Variants in KCNH5 observed in about 807,000 individuals in gnomAD.
The protein encoded by KCNH5 is voltage-gated delayed rectifier potassium channel KCNH5.
KCNH5 carries 46 observed loss-of-function variants against 96.1 expected under a neutral mutation model. That is an observed-to-expected ratio of 0.48 (90% confidence interval 0.38 to 0.61). The LOEUF is 0.61. KCNH5 is among the 20% of genes least tolerant of loss of function. KCNH5 has a pLI of 0.00. For synonymous variants in KCNH5, 439 were observed against 449.8 expected (o/e 0.98, Z 0.30); for missense variants, 907 against 1,225.8 (o/e 0.74, Z 3.88).
At chr14:63,038,908 A>AT (rs1293027424) in intron 1 of KCNH5, among the ~76,000 whole-genome samples, 1 of 152,042 alleles carries the variant, frequency 6.6e-6, no homozygotes, top group African/African-American at 2.4e-5. Context: ...AATGCTGAGG[A>AT]TTTTTTTACA....
intron 7 of KCNH5, among the ~76,000 whole-genome samples, chr14:62,901,263 T>G (rs916398308): frequency 3.3e-5 from 5 of 152,164 alleles, no homozygotes; most frequent in African/African-American, 1.2e-4. Context: ...AGAGGGTTCA[T>G]GTTCAGATTT....
chr14:62,810,773 C>G (rs1886857486), intron 8 of KCNH5, among the ~76,000 whole-genome samples: 1 of 152,094 alleles, frequency 6.6e-6, no homozygotes, highest in Non-Finnish European at 1.5e-5. Context: ...ATCAGCAGCC[C>G]TCAGGGCTGC....
chr14:62,709,049 C>T (rs183645515), intron 10 of KCNH5, among the ~76,000 whole-genome samples: 3 of 151,158 alleles, frequency 2.0e-5, no homozygotes, highest in Admixed American at 6.6e-5. Flanking sequence ...ATCGAGACCA[C>T]GGTGAAACCC....
chr14:62,847,028 C>T (rs989308780), intron 8 of KCNH5, among the ~76,000 whole-genome samples: 1 of 149,350 alleles, frequency 6.7e-6, no homozygotes, highest in Admixed American at 6.7e-5. Flanking sequence ...TCTCAATCTC[C>T]TGACCTCGTG....
intron 7 of KCNH5, among the ~76,000 whole-genome samples, chr14:62,863,059 T>C (rs1888068598): frequency 1.3e-5 from 2 of 152,154 alleles, no homozygotes; most frequent in African/African-American, 2.4e-5. Context: ...GTCAAGAAAT[T>C]TTTCTTTCTA....
chr14:62,995,965 G>T (rs1194942864), intron 4 of KCNH5, among the ~76,000 whole-genome samples: 1 of 151,996 alleles, frequency 6.6e-6, no homozygotes, highest in Admixed American at 6.6e-5. Context: ...GTCCTGAACA[G>T]GCTCAGGTTA....
chr14:62,821,039 C>A (rs941513810), intron 8 of KCNH5, among the ~76,000 whole-genome samples: 22 of 151,980 alleles, frequency 1.4e-4, no homozygotes, highest in African/African-American at 5.3e-4. Context: ...CACAACCTCA[C>A]CAGCATCTAT....
intron 8 of KCNH5, among the ~76,000 whole-genome samples, chr14:62,806,843 T>C (rs1886776784): frequency 6.6e-6 from 1 of 152,176 alleles, no homozygotes; most frequent in Non-Finnish European, 1.5e-5. Flanking sequence ...GGATGTTAAC[T>C]GCTATTCTCT....
intron 7 of KCNH5, among the ~76,000 whole-genome samples, chr14:62,920,669 A>G (rs760456470): frequency 6.6e-6 from 1 of 152,192 alleles, no homozygotes; most frequent in Non-Finnish European, 1.5e-5. Flanking sequence ...TGTTTGTATC[A>G]AGAAATAAAA....
chr14:62,871,142 G>A (rs1342714329), intron 7 of KCNH5, among the ~76,000 whole-genome samples: 5 of 152,102 alleles, frequency 3.3e-5, no homozygotes, highest in African/African-American at 9.7e-5. Context: ...GGCTTATTGG[G>A]TATTATTCAA....
intron 7 of KCNH5, among the ~76,000 whole-genome samples, chr14:62,944,576 T>C (rs1889850369): frequency 6.6e-6 from 1 of 152,188 alleles, no homozygotes; most frequent in African/African-American, 2.4e-5. Context: ...TGGTTTGTTT[T>C]CATTTGTTTG....
chr14:63,032,897 A>G (rs887186181), intron 1 of KCNH5, among the ~76,000 whole-genome samples: 3 of 152,162 alleles, frequency 2.0e-5, no homozygotes, highest in Non-Finnish European at 4.4e-5. Flanking sequence ...GCCTTCTTCC[A>G]GTTTTTCCCA....
intron 3 of KCNH5, among the ~76,000 whole-genome samples, chr14:63,005,543 G>C (rs7141489): frequency 0.19 from 28,977 of 152,078 alleles, 3,167 homozygotes; most frequent in East Asian, 0.36. Flanking sequence ...GCTATCATTT[G>C]CTATTAACAA....
At chr14:62,720,496 T>A (rs1884785642) in intron 10 of KCNH5, among the ~76,000 whole-genome samples, 1 of 152,142 alleles carries the variant, frequency 6.6e-6, no homozygotes, top group Non-Finnish European at 1.5e-5. Context: ...GGCAGGAGAA[T>A]GGCGTGAACC....
Position 63,045,158 on chromosome 14 carries a change from G to A in KCNH5, c.29C>T (p.Ala10Val). The change falls in exon 1 of 11, where the codon GCA becomes GTA. Residue 10 changes from alanine (A) to valine (V), a missense_variant. This residue lies in a region of KCNH5 where 370 missense variants were observed against 561.3 expected (regional missense o/e 0.66). Coordinates refer to ENST00000322893, the MANE Select transcript of KCNH5 (RefSeq NM_139318.5). ...GTTCTCCAAAAATGTGTTCTGCGGT[G>A]CCACCAGCCCTCTCTTGCCCCCCGG... MPGGKRGLV[A>V]PQNTFLENIV... 1 of 1,613,772 alleles carries A rather than the reference G, an allele frequency of 6.2e-7. No individual in the cohort carries two copies. The highest frequency in any genetic ancestry group is 8.5e-7 in the Non-Finnish European group (1 of 1,180,006).
In KCNH5 at chr14:62,909,003, T is replaced by C. The variant is rs145803528; in HGVS notation, c.1369+41130A>G. The stretch of plus-strand genomic sequence containing the variant: ...AGAAAACTAACTGTAGCCAAGCTGC[T>C]CTCAAACATAGAAAACACTATGCTA... On this transcript the variant is annotated intron_variant, in intron 7 of 10. Coordinates refer to ENST00000322893, the MANE Select transcript of KCNH5 (RefSeq NM_139318.5). 3.5e-3 allele frequency among the ~76,000 whole-genome samples: 510 copies of C among 145,596 alleles called. 3 individuals carry two copies. Among genetic ancestry groups the C allele is most frequent in the African/African-American group, 0.012 (461 of 39,746 alleles).
At chr14:62,776,342 C>T (rs1036197265) in intron 10 of KCNH5, among the ~76,000 whole-genome samples, 3 of 151,970 alleles carry the variant, frequency 2.0e-5, no homozygotes, top group Non-Finnish European at 4.4e-5. Context: ...TGGCTTCCTT[C>T]CCACCTCCCA....
At chr14:62,900,064 T>C (rs754128978) in intron 7 of KCNH5, among the ~76,000 whole-genome samples, 33 of 152,170 alleles carry the variant, frequency 2.2e-4, no homozygotes, top group Non-Finnish European at 4.4e-4. Flanking sequence ...AATAGCATTC[T>C]CCATGTTTCA....
chr14:62,947,203 T>C (rs1055784703), intron 7 of KCNH5, among the ~76,000 whole-genome samples: 3 of 152,230 alleles, frequency 2.0e-5, no homozygotes, highest in Admixed American at 2.0e-4. Context: ...TTTTCTTTTT[T>C]AATCTAACTA....
Sources: allele counts gnomAD v4.1 joint callset (sites outside exome capture counted in the v4.1 genomes callset), GRCh38; gene constraint gnomAD v4.1.1; regional missense constraint gnomAD v4.1.1; transcripts MANE v1.5; gene names NCBI Gene and HGNC (gene_info 2026-07-23, HGNC 2026-07-21).